BRWD1: variants seen among roughly 807,000 people sequenced by gnomAD.
BRWD1 encodes bromodomain and WD repeat domain containing 1, also known as bromodomain and WD repeat-containing protein 1.
A neutral mutation model predicts 251.2 loss-of-function variants in BRWD1; 82 were observed. The observed-to-expected ratio is 0.33, with a 90% CI of 0.27 to 0.39. The LOEUF (loss-of-function observed/expected upper bound fraction) is 0.39, where lower values mean the gene tolerates loss of function less well. Ranked by LOEUF, BRWD1 falls within the 10% of genes least tolerant of loss-of-function variation. BRWD1 has a pLI of 1.00. For missense variants in BRWD1, 2,233 were observed against 2,711.6 expected (o/e 0.82, Z 3.92); for synonymous variants, 918 against 902.8 (o/e 1.02, Z -0.30).
intron 8 of BRWD1, among the ~76,000 whole-genome samples, chr21:39,286,892 A>G (rs1266453329): frequency 6.6e-6 from 1 of 152,158 alleles, no homozygotes; most frequent in Non-Finnish European, 1.5e-5. Flanking sequence ...CAAATACTTA[A>G]TTTTGTAATA....
intron 18 of BRWD1, 133 bp downstream of exon 18, chr21:39,258,354 G>C (rs2034628636): frequency 4.1e-6 from 3 of 740,564 alleles, no homozygotes; most frequent in Non-Finnish European, 6.1e-6. Flanking sequence ...GCTACCTTCA[G>C]ACTACTAATT....
At position 39,232,390 on chromosome 21, in the gene BRWD1, G is replaced by A; in HGVS notation, c.2875C>T (p.Pro959Ser). ...DTTLRKSPFV[P>S]QMGDEVIYFR... Reference sequence around the variant, plus strand: ...ACTCTCACCTCATCACCCATTTGAGGAACAAAAGGAGATTTTCTAAGTGTG... The same window carrying A: ...ACTCTCACCTCATCACCCATTTGAGAAACAAAAGGAGATTTTCTAAGTGTG... The change falls in exon 24 of 41, where the codon CCT (proline) becomes TCT (serine). Residue 959 changes from proline to serine, a missense_variant. Pro to Ser is a moderately conservative substitution (Grantham distance 74). Coordinates refer to ENST00000342449, the MANE Select transcript of BRWD1 (RefSeq NM_033656.4). 6.3e-7 allele frequency: 1 copy of A among 1,590,172 alleles called. No individual in the cohort carries two copies. Among genetic ancestry groups the A allele is most frequent in the Non-Finnish European group, 8.5e-7 (1 of 1,173,968 alleles).
intron 19 of BRWD1, among the ~76,000 whole-genome samples, chr21:39,251,582 T>C (rs528002218): frequency 3.0e-4 from 45 of 152,316 alleles, no homozygotes; most frequent in Non-Finnish European, 5.1e-4. Flanking sequence ...TAAGAGTAAA[T>C]GCTGTAAGGA....
upstream of BRWD1, chr21:39,313,803 C>T (rs1442956581): frequency 1.3e-5 from 5 of 370,378 alleles, no homozygotes; most frequent in Admixed American, 1.0e-4. Context: ...GAGAAAGTGA[C>T]GCGGAGGCAA....
intron 8 of BRWD1, among the ~76,000 whole-genome samples, chr21:39,289,860 T>A (rs984813389): frequency 6.6e-6 from 1 of 151,070 alleles, no homozygotes. Context: ...TCGTCTCTAC[T>A]AAAAAATACA....
At chr21:39,309,787 T>C (rs886607960) in intron 4 of BRWD1, among the ~76,000 whole-genome samples, 31 of 133,160 alleles carry the variant, frequency 2.3e-4, no homozygotes, top group Admixed American at 4.4e-4. Context: ...ATCGCACCGC[T>C]GCACTCCAGC....
At chr21:39,287,560 T>A (rs2035679859) in intron 8 of BRWD1, among the ~76,000 whole-genome samples, 1 of 152,198 alleles carries the variant, frequency 6.6e-6, no homozygotes, top group Non-Finnish European at 1.5e-5. Context: ...CTGCTTAAAA[T>A]ATCCTCTTTT....
At chr21:39,252,524 T>C (rs923892975) in intron 19 of BRWD1, among the ~76,000 whole-genome samples, 1 of 152,178 alleles carries the variant, frequency 6.6e-6, no homozygotes, top group Non-Finnish European at 1.5e-5. Flanking sequence ...TATGAAAAAT[T>C]CACCCTTGTT....
intron 18 of BRWD1, 93 bp downstream of exon 18, chr21:39,258,394 T>G: frequency 9.2e-7 from 1 of 1,091,746 alleles, no homozygotes. Flanking sequence ...TTTACTTAAG[T>G]TTCTCACATT....
rs2031996360 is a variant in BRWD1, at chr21:39,199,452, A to G, written c.4964T>C (p.Val1655Ala). The change falls in exon 40 of 41, where the codon GTC (valine) becomes GCC (alanine). Residue 1655 changes from valine to alanine, a missense_variant. Coordinates refer to ENST00000342449, the MANE Select transcript of BRWD1 (RefSeq NM_033656.4). ...GTGAGGCAGCTTCCGACCAGAACAGACACTTTCAGAGCTAGAATTCTCTTC... is the reference window on the plus strand; with the variant it reads ...GTGAGGCAGCTTCCGACCAGAACAGGCACTTTCAGAGCTAGAATTCTCTTC... Reference protein sequence around the residue: ...DVEENSSSESVCSGRKLPHRN... With the variant: ...DVEENSSSESACSGRKLPHRN... 6.2e-7 allele frequency: 1 copy of G among 1,614,094 alleles called. No individual in the cohort carries two copies. Among genetic ancestry groups the G allele is most frequent in the Non-Finnish European group, 8.5e-7 (1 of 1,180,052 alleles).
intron 8 of BRWD1, among the ~76,000 whole-genome samples, chr21:39,290,393 G>C (rs1365435095): frequency 6.6e-6 from 1 of 151,732 alleles, no homozygotes; most frequent in South Asian, 2.1e-4. Context: ...GGAGGCTGAG[G>C]CGCAGAAGAA....
chr21:39,270,336 G>A lies in BRWD1; in HGVS notation c.1342C>T (p.His448Tyr). 1 of 1,611,988 alleles carries A rather than the reference G, an allele frequency of 6.2e-7. No individual in the cohort carries two copies. Among genetic ancestry groups the A allele is most frequent in the Non-Finnish European group, 8.5e-7 (1 of 1,179,098 alleles). ...TAAGAATTCCACACTTTGAGGACAT[G>A]ATCATTCACAGCTGTGACAACAATG... is the stretch of plus-strand genomic sequence containing the variant. ...DSIVVTAVND[H>Y]VLKVWNSYTG... is the part of the protein sequence containing the mutation. Residue 448 changes from histidine (H) to tyrosine (Y), a missense_variant, in exon 14 of 41, where the codon CAT (histidine) becomes TAT (tyrosine). Physicochemically the swap from His to Tyr is moderately conservative, Grantham distance 83. Transcript: ENST00000342449.
At chr21:39,306,602 C>T (rs905688610) in intron 4 of BRWD1, among the ~76,000 whole-genome samples, 4 of 151,768 alleles carry the variant, frequency 2.6e-5, no homozygotes, top group East Asian at 3.9e-4. Context: ...TTTCTTTGAC[C>T]GGAAAAAATA....
At chr21:39,312,020 T>C (rs2036500898) in intron 4 of BRWD1, among the ~76,000 whole-genome samples, 2 of 152,216 alleles carry the variant, frequency 1.3e-5, no homozygotes, top group Non-Finnish European at 2.9e-5. Context: ...AATTAATGAA[T>C]TCCTTTATCC....
chr21:39,220,019 A>C (rs2033110235), intron 29 of BRWD1, among the ~76,000 whole-genome samples: 1 of 152,066 alleles, frequency 6.6e-6, no homozygotes, highest in Admixed American at 6.5e-5. Flanking sequence ...CAGGCAGGCA[A>C]CATAAAGTGC....
intron 22 of BRWD1, among the ~76,000 whole-genome samples, chr21:39,237,977 T>C: frequency 6.6e-6 from 1 of 151,750 alleles, no homozygotes; most frequent in East Asian, 1.9e-4. Flanking sequence ...AGAAAGATGA[T>C]CTGAGTGATA....
intron 5 of BRWD1, chr21:39,297,705 G>T: frequency 3.4e-6 from 1 of 291,450 alleles, no homozygotes; most frequent in Non-Finnish European, 5.1e-6. Flanking sequence ...CTTTATACTG[G>T]TGGTGCAGCT....
At chr21:39,202,700 T>C (rs2032172413) in intron 37 of BRWD1, among the ~76,000 whole-genome samples, 155 bp from the exon 38 acceptor site, 1 of 152,254 alleles carries the variant, frequency 6.6e-6, no homozygotes, top group Non-Finnish European at 1.5e-5. Flanking sequence ...CATTTTATTC[T>C]GGCACTGATT....
At position 39,220,342 on chromosome 21, in the gene BRWD1, A is replaced by G. The variant is rs75695530; in HGVS notation, c.3383-1682T>C. On this transcript the variant is annotated intron_variant, in intron 29 of 40. Coordinates refer to ENST00000342449, the MANE Select transcript of BRWD1 (RefSeq NM_033656.4). ...GCCTGTTCCCTCAGCCAGACTGAAAAAGCTGCATGATACATAGAGCAGTGG... is the reference window on the plus strand; with the variant it reads ...GCCTGTTCCCTCAGCCAGACTGAAAGAGCTGCATGATACATAGAGCAGTGG... Among the ~76,000 whole-genome samples the G allele has an allele frequency of 2.2e-3, 335 of 152,322 alleles. 2 individuals are homozygous for G. The highest frequency in any genetic ancestry group is 7.7e-3 in the African/African-American group (320 of 41,556).
Sources: allele counts gnomAD v4.1 joint callset (sites outside exome capture counted in the v4.1 genomes callset), GRCh38; gene constraint gnomAD v4.1.1; transcripts MANE v1.5; gene names NCBI Gene and HGNC (gene_info 2026-07-23, HGNC 2026-07-21).